The following CDK6 variants were observed in gnomAD, a reference collection of about 807,000 sequenced individuals.
CDK6 encodes cyclin-dependent kinase 6.
CDK6 carries 6 observed loss-of-function variants against 37.1 expected under a neutral mutation model. The observed-to-expected ratio is 0.16, with a 90% CI of 0.09 to 0.32. The LOEUF is 0.32. CDK6 is among the 10% of genes least tolerant of loss of function. The probability of loss-of-function intolerance (pLI) is 1.00; values close to 1 mark genes in which losing one functional copy is unlikely to be tolerated. For missense variants in CDK6, 224 were observed against 418.9 expected (o/e 0.53, Z 4.06); for synonymous variants, 160 against 161.3 (o/e 0.99, Z 0.06).
At chr7:92,689,717 T>A (rs935645793) in intron 4 of CDK6, among the ~76,000 whole-genome samples, 5 of 152,210 alleles carry the variant, frequency 3.3e-5, no homozygotes, top group Non-Finnish European at 1.5e-5. Context: ...CACACTGTCT[T>A]CTACAAAGGC....
At chr7:92,702,912 T>C (rs926274681) in intron 4 of CDK6, among the ~76,000 whole-genome samples, 6 of 152,180 alleles carry the variant, frequency 3.9e-5, no homozygotes, top group Non-Finnish European at 8.8e-5. Context: ...CTGTGTATTG[T>C]AGGATGTTTA....
intron 2 of CDK6, among the ~76,000 whole-genome samples, chr7:92,789,118 T>C (rs1336191892): frequency 6.6e-6 from 1 of 152,126 alleles, no homozygotes; most frequent in South Asian, 2.1e-4. Context: ...AGAGTGACAC[T>C]CTGTTTCTAA....
chr7:92,811,977 C>A (rs1054947789), intron 2 of CDK6, among the ~76,000 whole-genome samples: 24 of 152,118 alleles, frequency 1.6e-4, no homozygotes, highest in Admixed American at 6.5e-4. Flanking sequence ...ACTGTGAAAC[C>A]CTGTCTCTAC....
At chr7:92,755,548 G>C (rs766046144) in intron 3 of CDK6, among the ~76,000 whole-genome samples, 1 of 152,126 alleles carries the variant, frequency 6.6e-6, no homozygotes, top group Non-Finnish European at 1.5e-5. Context: ...GAGAGGAGCT[G>C]AAACAATGTG....
At chr7:92,761,199 T>C (rs1427968308) in intron 3 of CDK6, among the ~76,000 whole-genome samples, 1 of 152,154 alleles carries the variant, frequency 6.6e-6, no homozygotes, top group East Asian at 1.9e-4. Flanking sequence ...TGCGATATTT[T>C]CTACTGTTTC....
At chr7:92,663,891 C>A (rs562428527) in intron 5 of CDK6, among the ~76,000 whole-genome samples, 2 of 152,062 alleles carry the variant, frequency 1.3e-5, no homozygotes, top group African/African-American at 4.8e-5. Flanking sequence ...CGGTGGCTCA[C>A]GCCTGTAATC....
chr7:92,706,171 A>G (rs1438629386), intron 4 of CDK6, among the ~76,000 whole-genome samples: 1 of 152,252 alleles, frequency 6.6e-6, no homozygotes, highest in African/African-American at 2.4e-5. Flanking sequence ...TCTGAATATT[A>G]ACTACCACCT....
At chr7:92,617,864 AG>A (rs1795715404) in intron 7 of CDK6, among the ~76,000 whole-genome samples, 1 of 152,256 alleles carries the variant, frequency 6.6e-6, no homozygotes, top group Non-Finnish European at 1.5e-5. Context: ...AATGTGGATC[AG>A]AAAGACATTC....
intron 2 of CDK6, among the ~76,000 whole-genome samples, chr7:92,783,544 C>T (rs2115825566): frequency 6.6e-6 from 1 of 152,238 alleles, no homozygotes; most frequent in East Asian, 1.9e-4. Context: ...CATTGTTTAT[C>T]TTCTTTCCAA....
intron 3 of CDK6, among the ~76,000 whole-genome samples, chr7:92,765,379 C>G (rs747561555): frequency 5.9e-5 from 9 of 152,016 alleles, no homozygotes; most frequent in Non-Finnish European, 8.8e-5. Context: ...TTGGTAGGAT[C>G]AGTTATTGGT....
intron 2 of CDK6, among the ~76,000 whole-genome samples, chr7:92,830,393 T>C (rs1026886458): frequency 1.3e-5 from 2 of 152,174 alleles, no homozygotes. Flanking sequence ...TAACTATCTG[T>C]GGGGGAGGGC....
chr7:92,779,612 A>C (rs1030785907), intron 2 of CDK6, among the ~76,000 whole-genome samples: 1 of 152,166 alleles, frequency 6.6e-6, no homozygotes, highest in Non-Finnish European at 1.5e-5. Flanking sequence ...CAGAGTCCTA[A>C]GGGTGCCTGT....
chr7:92,824,222 G>A (rs759818857), intron 2 of CDK6, among the ~76,000 whole-genome samples: 4 of 150,808 alleles, frequency 2.7e-5, no homozygotes, highest in Non-Finnish European at 4.4e-5. Context: ...AACTCTTAAC[G>A]ATTTAAACAG....
At chr7:92,721,200 G>A (rs1247231641) in intron 4 of CDK6, among the ~76,000 whole-genome samples, 1 of 152,170 alleles carries the variant, frequency 6.6e-6, no homozygotes, top group African/African-American at 2.4e-5. Flanking sequence ...TCCAAGCTCT[G>A]CCCATATGCT....
chr7:92,764,283 T>C (rs564036258), intron 3 of CDK6, among the ~76,000 whole-genome samples: 18 of 152,074 alleles, frequency 1.2e-4, no homozygotes, highest in African/African-American at 4.3e-4. Flanking sequence ...GGACTATAGG[T>C]ATGCACCACA....
At chr7:92,742,738 T>C (rs1337230719) in intron 3 of CDK6, among the ~76,000 whole-genome samples, 3 of 145,420 alleles carry the variant, frequency 2.1e-5, no homozygotes, top group Non-Finnish European at 3.0e-5. Context: ...TATACATATA[T>C]ATATACACAC....
At chr7:92,810,315 T>C (rs1213144105) in intron 2 of CDK6, among the ~76,000 whole-genome samples, 1 of 152,216 alleles carries the variant, frequency 6.6e-6, no homozygotes, top group Non-Finnish European at 1.5e-5. Flanking sequence ...CCAAATGACC[T>C]TTGCATGACT....
chr7:92,760,841 C>T (rs1799437164), intron 3 of CDK6, among the ~76,000 whole-genome samples: 1 of 151,922 alleles, frequency 6.6e-6, no homozygotes, highest in Non-Finnish European at 1.5e-5. Context: ...GAAAAATCAT[C>T]CTATGAGATG....
At chr7:92,793,745 A>G (rs1800337513) in intron 2 of CDK6, among the ~76,000 whole-genome samples, 1 of 152,136 alleles carries the variant, frequency 6.6e-6, no homozygotes, top group South Asian at 2.1e-4. Flanking sequence ...AGAACAGATC[A>G]CTACAGATTC....
Sources: gnomAD v4.1 joint callset for allele counts (sites outside exome capture counted in the v4.1 genomes callset) on GRCh38, gnomAD v4.1.1 for gene constraint, MANE v1.5 for transcripts, NCBI Gene and HGNC (gene_info 2026-07-23, HGNC 2026-07-21) for gene names.